Variants in FGD5 observed in about 807,000 individuals in gnomAD.
FGD5 encodes FYVE, RhoGEF and PH domain-containing protein 5.
FGD5 carries 28 observed loss-of-function variants against 133.4 expected under a neutral mutation model. The observed-to-expected ratio is 0.21, with a 90% CI of 0.16 to 0.29. The LOEUF (loss-of-function observed/expected upper bound fraction) is 0.29. FGD5 is among the 10% of genes least tolerant of loss of function. The pLI is 1.00. For synonymous variants in FGD5, 810 were observed against 776.5 expected (o/e 1.04, Z -0.72); for missense variants, 1,858 against 1,895.2 (o/e 0.98, Z 0.36).
intron 2 of FGD5, among the ~76,000 whole-genome samples, chr3:14,878,987 G>A (rs547595260): frequency 5.3e-4 from 80 of 152,134 alleles, no homozygotes; most frequent in Non-Finnish European, 9.3e-4. Context: ...GATTACAGGC[G>A]TGAGCCACTG....
intron 11 of FGD5, among the ~76,000 whole-genome samples, chr3:14,913,441 G>A (rs2038490187): frequency 6.6e-6 from 1 of 152,148 alleles, no homozygotes; most frequent in African/African-American, 2.4e-5. Flanking sequence ...GCAAAAGGGA[G>A]GCCATACCGG....
At chr3:14,818,833 G>A (rs2036422246), upstream of FGD5, 3 of 1,059,536 alleles carry the variant, frequency 2.8e-6, no homozygotes, top group Admixed American at 7.4e-5. Flanking sequence ...AAGCACGGGA[G>A]GTGGGCTTCA....
chr3:14,893,637 C>G lies in FGD5; in HGVS notation c.2749-3872C>G, dbSNP rs549023209. 2.6e-5 allele frequency among the ~76,000 whole-genome samples: 4 copies of G among 151,300 alleles called. No individual in the cohort carries two copies. In the South Asian group the frequency reaches 8.4e-4, roughly 32 times the overall value. On this transcript the variant is annotated intron_variant, in intron 4 of 19. Coordinates refer to ENST00000285046, the MANE Select transcript of FGD5 (RefSeq NM_152536.4). ...TGCTGGGATTATAGGTGTGAGCCAC[C>G]ATGCCTGGCCTCTTCTAGCTATTTC... is the stretch of plus-strand genomic sequence containing the variant.
intron 4 of FGD5, among the ~76,000 whole-genome samples, chr3:14,890,096 G>A (rs1229152213): frequency 2.0e-5 from 3 of 151,990 alleles, no homozygotes; most frequent in African/African-American, 7.3e-5. Flanking sequence ...CACGATCATT[G>A]CACACACGGC....
At chr3:14,848,078 GAGGAAGTGTCGGTGTTTAC>G (rs2037085255) in intron 1 of FGD5, among the ~76,000 whole-genome samples, 1 of 152,190 alleles carries the variant, frequency 6.6e-6, no homozygotes, top group African/African-American at 2.4e-5. Flanking sequence ...CCTCCCCAGG[GAGGAAGTGTCGGTGTTTAC>G]AGGAAATGCA....
At chr3:14,873,852 G>C (rs1390853986) in intron 2 of FGD5, among the ~76,000 whole-genome samples, 1 of 151,914 alleles carries the variant, frequency 6.6e-6, no homozygotes, top group Non-Finnish European at 1.5e-5. Flanking sequence ...CTTCCGAGTA[G>C]CTGGGACTAC....
intron 1 of FGD5, among the ~76,000 whole-genome samples, chr3:14,833,454 C>G (rs2036757107): frequency 2.0e-5 from 3 of 152,174 alleles, no homozygotes. Context: ...TCAGGAACCT[C>G]CTCTGATACA....
At position 14,907,693 on chromosome 3, in the gene FGD5, T is replaced by C; in HGVS notation, c.3318T>C (p.Asp1106=). ...HIEHSVRGQG[D]LLQPGREFLK... ...AGCACAGCGTCCGGGGCCAAGGGGA[T>C]CTCCTCCAGCCAGGAAGGGTGAGTG... Residue 1106 remains aspartate, a synonymous_variant, in exon 10 of 20, where the codon GAT becomes GAC. Transcript: ENST00000285046. The C allele has an allele frequency of 6.2e-7, 1 of 1,613,490 alleles. No individual in the cohort carries two copies. The highest frequency in any genetic ancestry group is 1.1e-5 in the South Asian group (1 of 91,032).
In FGD5 at chr3:14,844,217, AATATATATATATATATATATATATAT is replaced by A. The variant is rs869290486; in HGVS notation, c.2526-19881_2526-19856del. 8.3e-4 allele frequency among the ~76,000 whole-genome samples: 17 copies of A among 20,380 alleles called. 1 individual carries two copies. The highest frequency in any genetic ancestry group is 3.3e-3 in the African/African-American group (16 of 4,852). 13.4% of individuals were successfully genotyped at this position (20,380 alleles called of 152,430 possible). On this transcript the variant is annotated intron_variant, in intron 1 of 19. Transcript: ENST00000285046. ...CTTAATAGGCATTAAAAAAAAAAAAAATATATATATATATATATATATATATATATATATATATATATATATATATA... is the reference window on the plus strand; with the variant it reads ...CTTAATAGGCATTAAAAAAAAAAAAAATATATATATATATATATATATATA...
chr3:14,812,542 C>T (rs1380027908), intron 1 of FGD5, among the ~76,000 whole-genome samples: 1 of 152,176 alleles, frequency 6.6e-6, no homozygotes, highest in African/African-American at 2.4e-5. Flanking sequence ...CGTTGTCGCT[C>T]TTGGGTTCAG....
chr3:14,816,202 A>C (rs1322403927), upstream of FGD5, among the ~76,000 whole-genome samples: 1 of 152,128 alleles, frequency 6.6e-6, no homozygotes, highest in African/African-American at 2.4e-5. Flanking sequence ...GTCATTTTTC[A>C]TGGCCCACCT....
chr3:14,897,648 T>TGGA lies in FGD5; in HGVS notation c.2892_2894dup (p.Glu965dup). The stretch of plus-strand genomic sequence containing the variant: ...CTTCATCAAGGCATCCTGGAGGAGC[T>TGGA]GGAGGAAAGGCTGTCAAATTGGTGA... On this transcript the variant is annotated inframe_insertion, in exon 5 of 20. Coordinates refer to ENST00000285046, the MANE Select transcript of FGD5 (RefSeq NM_152536.4). The TGGA allele has an allele frequency of 6.2e-7, 1 of 1,605,298 alleles. No homozygotes were observed. Among genetic ancestry groups the TGGA allele is most frequent in the Non-Finnish European group, 8.5e-7 (1 of 1,175,946 alleles).
intron 11 of FGD5, among the ~76,000 whole-genome samples, chr3:14,912,159 G>A (rs1385698153): frequency 6.6e-6 from 1 of 152,170 alleles, no homozygotes; most frequent in African/African-American, 2.4e-5. Context: ...GCCACTTGAG[G>A]ACTGAATTCC....
Position 14,819,154 on chromosome 3 carries a change from A to T in FGD5, c.83A>T (p.Asn28Ile), listed in dbSNP as rs1220931224. 6.4e-7 allele frequency: 1 copy of T among 1,551,532 alleles called. No individual in the cohort carries two copies. The highest frequency in any genetic ancestry group is 8.7e-7 in the Non-Finnish European group (1 of 1,147,004). ...GAGTGGAGAGCCAGTGTGTACCTGAATGACAGCTTGAACAAATGCAGCAAC... is the reference window on the plus strand; with the variant it reads ...GAGTGGAGAGCCAGTGTGTACCTGATTGACAGCTTGAACAAATGCAGCAAC... ...PNEWRASVYL[N>I]DSLNKCSNGR... Residue 28 changes from asparagine to isoleucine, a missense_variant, in exon 1 of 20, where the codon AAT (asparagine) becomes ATT (isoleucine). Asn to Ile is a moderately radical substitution (Grantham distance 149). Transcript: ENST00000285046. The surrounding 1 kb of genome is among the most constrained non-coding windows in gnomAD (Gnocchi z 4.1).
rs548492507 is a variant in FGD5 at position 14,833,280 on chromosome 3, C to A, written c.2525+11684C>A. On this transcript the variant is annotated intron_variant, in intron 1 of 19. Coordinates refer to ENST00000285046, the MANE Select transcript of FGD5 (RefSeq NM_152536.4). ...TGTGACTGGTCTCTATGTAAACAGA[C>A]CCATTCTCTGCATGCACAGGGTTGG... Among the ~76,000 whole-genome samples, 15 of 152,272 alleles carry A rather than the reference C, an allele frequency of 9.9e-5. No individual in the cohort carries two copies. The East Asian group carries it at 2.7e-3, about 27-fold the overall frequency.
chr3:14,841,444 G>A (rs528114937), intron 1 of FGD5, among the ~76,000 whole-genome samples: 23 of 152,140 alleles, frequency 1.5e-4, no homozygotes, highest in Middle Eastern at 6.8e-3. Flanking sequence ...GTCCTGGTTT[G>A]TATCAAATTA....
In FGD5 at chr3:14,922,228, T is replaced by C. The variant is rs905761929; in HGVS notation, c.3670-183T>C. On this transcript the variant is annotated intron_variant, in intron 14 of 19. Coordinates refer to ENST00000285046, the MANE Select transcript of FGD5 (RefSeq NM_152536.4). This position sits in a 1 kb window ranked among gnomAD's most constrained non-coding sequence, Gnocchi z 4.1. ...AGCACCCACAGTCTTGTTCTCACAG[T>C]CTGGCTGTTTCCCAACCAAGGGTGA... The C allele has an allele frequency of 7.7e-6, 8 of 1,034,730 alleles. No homozygotes were observed. The African/African-American group carries it at 1.1e-4, about 14-fold the overall frequency. 64.1% of individuals were successfully genotyped at this position (1,034,730 alleles called of 1,614,324 possible). A position where few individuals can be genotyped will look rare whatever the true frequency, so the allele number is the denominator to read the frequency against.
chr3:14,903,429 T>C (rs925539945), intron 9 of FGD5, among the ~76,000 whole-genome samples: 5 of 151,792 alleles, frequency 3.3e-5, no homozygotes, highest in African/African-American at 1.2e-4. Context: ...TGTATACATG[T>C]GCCATGCTGG....
At chr3:14,899,469 A>G (rs1052248951) in intron 7 of FGD5, among the ~76,000 whole-genome samples, 1 of 152,188 alleles carries the variant, frequency 6.6e-6, no homozygotes, top group East Asian at 1.9e-4. Context: ...CAAATAGACA[A>G]AGACCCCTGA....
Sources: gnomAD v4.1 joint callset for allele counts (sites outside exome capture counted in the v4.1 genomes callset) on GRCh38, gnomAD v4.1.1 for gene constraint, Gnocchi (gnomAD v3.1) non-coding constraint, MANE v1.5 for transcripts, NCBI Gene and HGNC (gene_info 2026-07-23, HGNC 2026-07-21) for gene names.